The following MROH7 variants were observed in gnomAD, a reference collection of about 807,000 sequenced individuals.
The protein encoded by MROH7 is maestro heat like repeat family member 7.
In MROH7, 113 loss-of-function variants were observed where a neutral mutation model predicts 129.2. That is an observed-to-expected ratio of 0.87 (90% CI 0.75 to 1.02). The LOEUF (loss-of-function observed/expected upper bound fraction) is 1.02, where lower values mean the gene tolerates loss of function less well. MROH7 is among the 50% of genes least tolerant of loss of function. The pLI is 0.00. For synonymous variants in MROH7, 655 were observed against 667.9 expected, an observed-to-expected ratio of 0.98 and a Z score of 0.30; for missense variants, 1,601 against 1,671.3, an observed-to-expected ratio of 0.96 and a Z score of 0.73.
intron 1 of MROH7, among the ~76,000 whole-genome samples, chr1:54,643,736 T>TC (rs1400204235): frequency 6.6e-6 from 1 of 152,218 alleles, no homozygotes; most frequent in Non-Finnish European, 1.5e-5. Context: ...ACATAAGGGT[T>TC]ACAAGAGGTG....
At chr1:54,679,745 C>A in intron 12 of MROH7, 146 bp from the exon 13 acceptor site, 1 of 817,634 alleles carries the variant, frequency 1.2e-6, no homozygotes. Flanking sequence ...GGCAGGCGCT[C>A]TGCTTGCCTC....
rs760841020 is a variant in MROH7 at position 54,700,401 on chromosome 1, C to T, written c.3045C>T (p.Asp1015=). ...GRMAEGLSHH[D]PIMKVLSIRG... ...TGGCAGAAGGCCTGAGCCACCACGA[C>T]CCCATCATGAAGGTGCTGTCCATTC... Residue 1015 remains aspartate, a synonymous_variant, in exon 18 of 24, where the codon GAC becomes GAT. Transcript: ENST00000421030. 6.2e-7 allele frequency: 1 copy of T among 1,613,728 alleles called. No homozygotes were observed. Among genetic ancestry groups the T allele is most frequent in the East Asian group, 2.2e-5 (1 of 44,878 alleles).
intron 15 of MROH7, among the ~76,000 whole-genome samples, chr1:54,687,570 T>G (rs1252128506): frequency 6.6e-6 from 1 of 152,204 alleles, no homozygotes; most frequent in Non-Finnish European, 1.5e-5. Flanking sequence ...TTCCTGAAAG[T>G]AGAATGGGCA....
intron 16 of MROH7, among the ~76,000 whole-genome samples, 169 bp from the exon 17 acceptor site, chr1:54,695,207 A>T (rs1336470587): frequency 6.6e-6 from 1 of 152,222 alleles, no homozygotes; most frequent in Non-Finnish European, 1.5e-5. Flanking sequence ...AAAATGAAGC[A>T]GTGAAACCAG....
In MROH7 at chr1:54,672,945, CA is replaced by C. The variant is rs201538386; in HGVS notation, c.1600-145del. 6.2e-3 allele frequency: 3,778 copies of C among 612,444 alleles called. 121 individuals carry two copies. The highest frequency in any genetic ancestry group is 0.059 in the East Asian group (2,116 of 35,962). The allele number at this position is 612,444 out of a possible 1,614,324, so 37.9% of individuals were successfully genotyped here. Reference sequence around the variant, plus strand: ...GGGAAGTAATTTGCCCAACATTACACATCAAGTTAGTCTCAGAGGTGGGACC... The same window carrying C: ...GGGAAGTAATTTGCCCAACATTACACTCAAGTTAGTCTCAGAGGTGGGACC... On this transcript the variant is annotated intron_variant, in intron 7 of 23. Transcript: ENST00000421030.
Position 54,699,093 on chromosome 1 carries a change from C to CTTTTCTTTCT in MROH7, c.2965-1225_2965-1216dup, listed in dbSNP as rs1645371153. Reference sequence around the variant, plus strand: ...ATAGGTGTGAGCCACCTTGCCTGGCCTTTTCTTTCTTTCTTTCTTTCTTTC... The same window carrying CTTTTCTTTCT: ...ATAGGTGTGAGCCACCTTGCCTGGCCTTTTCTTTCTTTTTCTTTCTTTCTTTCTTTCTTTC... On this transcript the variant is annotated intron_variant, in intron 17 of 23. Transcript: ENST00000421030. The CTTTTCTTTCT allele has an allele frequency of 2.8e-5, 3 of 107,980 alleles. 1 individual carries two copies. Among genetic ancestry groups the CTTTTCTTTCT allele is most frequent in the African/African-American group, 1.0e-4 (3 of 30,052 alleles). The allele number at this position is 107,980 out of a possible 1,614,324, so 6.7% of individuals were successfully genotyped here.
chr1:54,708,547 A>G (rs1645573033), intron 22 of MROH7, among the ~76,000 whole-genome samples: 2 of 152,224 alleles, frequency 1.3e-5, no homozygotes, highest in African/African-American at 4.8e-5. Context: ...TGAGCAATGC[A>G]TCAGAGGAGT....
intron 1 of MROH7, 139 bp from the exon 2 acceptor site, chr1:54,651,810 C>CTCTCTGTGTGTGTGTG (rs148778686): frequency 1.4e-5 from 2 of 141,526 alleles, no homozygotes; most frequent in African/African-American, 5.6e-5. Flanking sequence ...CTCTCTCTCT[C>CTCTCTGTGTGTGTGTG]TGTGTGTGTG....
intron 14 of MROH7, among the ~76,000 whole-genome samples, chr1:54,684,728 C>A (rs957131237): frequency 5.3e-5 from 8 of 152,196 alleles, no homozygotes; most frequent in African/African-American, 1.7e-4. Context: ...TCTGCCACTG[C>A]CTCACTATAT....
At chr1:54,673,642 C>A in intron 8 of MROH7, 59 bp from the exon 9 acceptor site, 2 of 1,348,810 alleles carry the variant, frequency 1.5e-6, no homozygotes, top group Non-Finnish European at 2.1e-6. Context: ...GGCCTGTCCA[C>A]CCAGCAGCAG....
At chr1:54,655,712 T>C (rs115741871) in intron 3 of MROH7, among the ~76,000 whole-genome samples, 4,448 of 151,934 alleles carry the variant, frequency 0.029, 92 homozygotes, top group Middle Eastern at 0.054. Flanking sequence ...ATTTCTAGGG[T>C]TTCTTAGGGA....
At position 54,706,454 on chromosome 1, in the gene MROH7, G is replaced by A; in HGVS notation, c.3584G>A (p.Ser1195Asn). 6.2e-7 allele frequency: 1 copy of A among 1,613,756 alleles called. No homozygotes were observed. Among genetic ancestry groups the A allele is most frequent in the South Asian group, 1.1e-5 (1 of 91,052 alleles). The change falls in exon 22 of 24, where the codon AGC becomes AAC. Residue 1195 changes from serine (S) to asparagine (N), a missense_variant. By Grantham distance (46) the Ser-to-Asn change is conservative. Coordinates refer to ENST00000421030, the MANE Select transcript of MROH7 (RefSeq NM_001039464.4). Reference protein sequence around the residue: ...CKCLVNTHRDSAFIFLSQSLE... With the variant: ...CKCLVNTHRDNAFIFLSQSLE... Reference sequence around the variant, plus strand: ...TCCTAGGTGAACACCCACCGAGACAGCGCCTTCATATTCCTCAGCCAGAGC... The same window carrying A: ...TCCTAGGTGAACACCCACCGAGACAACGCCTTCATATTCCTCAGCCAGAGC...
chr1:54,693,398 C>T (rs1214135865), intron 16 of MROH7, among the ~76,000 whole-genome samples: 2 of 152,008 alleles, frequency 1.3e-5, no homozygotes, highest in Non-Finnish European at 1.5e-5. Context: ...TGCTGTGAGC[C>T]GAGATGGCAC....
intron 1 of MROH7, among the ~76,000 whole-genome samples, chr1:54,646,758 A>G (rs1410314773): frequency 1.3e-5 from 2 of 152,150 alleles, no homozygotes; most frequent in Admixed American, 1.3e-4. Flanking sequence ...TCCAAAAGGA[A>G]ACCCTATACC....
At chr1:54,700,232 G>C (rs1645410942) in intron 17 of MROH7, 89 bp from the exon 18 acceptor site, 1 of 1,550,830 alleles carries the variant, frequency 6.4e-7, no homozygotes, top group Non-Finnish European at 8.9e-7. Flanking sequence ...GCTGAGCCTG[G>C]TATCCAATGT....
rs1475405602 is a variant in MROH7, at chr1:54,706,512, C to T, written c.3642C>T (p.Leu1214=). The T allele has an allele frequency of 6.2e-7, 1 of 1,613,670 alleles. No homozygotes were observed. The highest frequency in any genetic ancestry group is 2.2e-5 in the East Asian group (1 of 44,854). The part of the protein sequence containing the change: ...LEYAKNSRAS[L]RKCSVMFIGS... ...ATGCCAAGAACTCACGGGCCTCCCT[C>T]CGGAAGTGCTCAGTCATGTTCATAG... Residue 1214 remains leucine, a synonymous_variant, in exon 22 of 24, where the codon CTC becomes CTT. Coordinates refer to ENST00000421030, the MANE Select transcript of MROH7 (RefSeq NM_001039464.4).
intron 19 of MROH7, 142 bp downstream of exon 19, chr1:54,701,464 C>G (rs1216947326): frequency 1.6e-6 from 1 of 624,596 alleles, no homozygotes. Flanking sequence ...TTTGTCCCAG[C>G]TGGTCCACAT....
chr1:54,694,150 C>T (rs538532700), intron 16 of MROH7, among the ~76,000 whole-genome samples: 32 of 152,244 alleles, frequency 2.1e-4, no homozygotes, highest in Non-Finnish European at 3.5e-4. Context: ...CCAAAGTGTT[C>T]GGATTACAGG....
chr1:54,675,879 G>A (rs534793670), intron 10 of MROH7, among the ~76,000 whole-genome samples: 143 of 151,746 alleles, frequency 9.4e-4, no homozygotes, highest in Non-Finnish European at 1.1e-3. Flanking sequence ...CAAGTGATCC[G>A]CTCGCCTTGA....
Sources: allele counts gnomAD v4.1 joint callset (sites outside exome capture counted in the v4.1 genomes callset), GRCh38; gene constraint gnomAD v4.1.1; transcripts MANE v1.5; gene names NCBI Gene and HGNC (gene_info 2026-07-23, HGNC 2026-07-21).